SH3GL1: variants seen among roughly 807,000 people sequenced by gnomAD.
SH3GL1 encodes the protein SH3 domain containing GRB2 like 1, endophilin A2, also known as endophilin-A2.
SH3GL1 carries 21 observed loss-of-function variants against 48.8 expected under a neutral mutation model. The ratio of observed to expected loss-of-function variants is 0.43; its 90% confidence interval spans 0.30 to 0.62. SH3GL1 has a LOEUF of 0.62. Among genes scored for constraint, SH3GL1 ranks in the 20% least tolerant of loss-of-function variants. SH3GL1 has a pLI of 0.11. For synonymous variants in SH3GL1, 282 were observed against 217.5 expected (o/e 1.30, Z -2.61); for missense variants, 454 against 503.0 (o/e 0.90, Z 0.93).
At chr19:4,366,665 G>T in intron 2 of SH3GL1, 92 bp from the exon 3 acceptor site, 1 of 1,232,104 alleles carries the variant, frequency 8.1e-7, no homozygotes. Flanking sequence ...TGCCCTAAGA[G>T]CCCATACCAG....
chr19:4,366,782 C>CCCACACCACCCCATCTCT (rs1489592472), intron 2 of SH3GL1, 144 bp downstream of exon 2: 5 of 946,454 alleles, frequency 5.3e-6, no homozygotes, highest in African/African-American at 1.6e-5. Flanking sequence ...TGACGAGGCC[C>CCCACACCACCCCATCTCT]CCACACCACC....
intron 1 of SH3GL1, among the ~76,000 whole-genome samples, chr19:4,385,422 G>C (rs1599614875): frequency 6.6e-6 from 1 of 152,224 alleles, no homozygotes; most frequent in East Asian, 1.9e-4. Flanking sequence ...AATGCAGTAA[G>C]AGGCAACCTC....
At chr19:4,399,665 C>A (rs987080515) in intron 1 of SH3GL1, among the ~76,000 whole-genome samples, 1 of 152,154 alleles carries the variant, frequency 6.6e-6, no homozygotes, top group Non-Finnish European at 1.5e-5. Flanking sequence ...GTCAACAGTG[C>A]CGACGGAGGG....
At chr19:4,363,562 G>C in intron 6 of SH3GL1, 89 bp from the exon 7 acceptor site, 1 of 1,447,870 alleles carries the variant, frequency 6.9e-7, no homozygotes, top group Non-Finnish European at 9.6e-7. Flanking sequence ...AGGAGGCAAG[G>C]GGGCTGAGAG....
chr19:4,379,792 C>T (rs1050102516), intron 1 of SH3GL1, among the ~76,000 whole-genome samples: 4 of 152,178 alleles, frequency 2.6e-5, no homozygotes, highest in South Asian at 2.1e-4. Flanking sequence ...GCTGCTGCGA[C>T]GTCAACACAA....
intron 1 of SH3GL1, among the ~76,000 whole-genome samples, chr19:4,393,482 A>G (rs573936074): frequency 6.6e-6 from 1 of 152,150 alleles, no homozygotes; most frequent in African/African-American, 2.4e-5. Flanking sequence ...CTCAGTCTCT[A>G]CAAAAAAATT....
chr19:4,372,879 G>A (rs536641825), intron 1 of SH3GL1, among the ~76,000 whole-genome samples: 22 of 152,242 alleles, frequency 1.4e-4, no homozygotes, highest in African/African-American at 4.8e-4. Flanking sequence ...TGGCCCCAGT[G>A]GCATGGGGAC....
At chr19:4,364,050 G>C in intron 5 of SH3GL1, 38 bp downstream of exon 5, 1 of 1,611,140 alleles carries the variant, frequency 6.2e-7, no homozygotes, top group East Asian at 2.2e-5. Flanking sequence ...ATCCGGCAGG[G>C]GGAAGGGACA....
chr19:4,364,950 T>C (rs1055473577), intron 4 of SH3GL1, among the ~76,000 whole-genome samples: 1 of 148,856 alleles, frequency 6.7e-6, no homozygotes, highest in African/African-American at 2.5e-5. Context: ...GGGTGGGGTT[T>C]CTCCATATTG....
At chr19:4,383,075 C>T (rs8104459) in intron 1 of SH3GL1, among the ~76,000 whole-genome samples, 62,177 of 151,934 alleles carry the variant, frequency 0.41, 13,014 homozygotes, top group Non-Finnish European at 0.44. Flanking sequence ...CACACCACCA[C>T]GCCTGGCTAA....
intron 1 of SH3GL1, among the ~76,000 whole-genome samples, chr19:4,372,718 T>C (rs989380632): frequency 6.6e-6 from 1 of 152,170 alleles, no homozygotes; most frequent in Non-Finnish European, 1.5e-5. Flanking sequence ...TTCTTTCCCA[T>C]GAGTCAAAAA....
chr19:4,400,258 G>A lies in SH3GL1; in HGVS notation c.45+66C>T, dbSNP rs1973498729. The A allele has an allele frequency of 6.5e-7, 1 of 1,544,596 alleles. No individual in the cohort carries two copies. The highest frequency in any genetic ancestry group is 1.8e-5 in the Admixed American group (1 of 56,804). On this transcript the variant is annotated intron_variant, in intron 1 of 9. Transcript: ENST00000269886. This position sits in a 1 kb window ranked among gnomAD's most constrained non-coding sequence, Gnocchi z 4.1. ...CCCGGCCCCCTCCCGGGCCAGGTCG[G>A]GCCTGGCTCCCTCATCCGGGCAGCC... is the stretch of plus-strand genomic sequence containing the variant.
intron 4 of SH3GL1, 122 bp from the exon 5 acceptor site, chr19:4,364,343 C>A: frequency 1.6e-6 from 2 of 1,284,814 alleles, no homozygotes; most frequent in South Asian, 1.3e-5. Context: ...GCTGTACCAG[C>A]TCACTGCAGG....
chr19:4,400,210 G>T lies in SH3GL1; in HGVS notation c.45+114C>A. On this transcript the variant is annotated intron_variant, in intron 1 of 9. Transcript: ENST00000269886. This position sits in a 1 kb window ranked among gnomAD's most constrained non-coding sequence, Gnocchi z 4.1. ...TCTTCCCACCTGGCAGGGGACACGC[G>T]CCAACGTCCCCACCTCGGTCCCCCC... 1.7e-6 allele frequency: 2 copies of T among 1,175,020 alleles called. No individual in the cohort carries two copies. The highest frequency in any genetic ancestry group is 2.4e-6 in the Non-Finnish European group (2 of 850,882). 72.8% of individuals were successfully genotyped at this position (1,175,020 alleles called of 1,614,324 possible). A position where few individuals can be genotyped will look rare whatever the true frequency, so the allele number is the denominator to read the frequency against.
rs117209613 is a variant in SH3GL1, at chr19:4,364,940, G to T, written c.331+542C>A. Among the ~76,000 whole-genome samples the T allele has an allele frequency of 3.5e-4, 50 of 140,956 alleles. No homozygotes were observed. In the East Asian group the frequency reaches 8.9e-3, roughly 25 times the overall value. 92.5% of individuals were successfully genotyped at this position (140,956 alleles called of 152,430 possible). A position where few individuals can be genotyped will look rare whatever the true frequency, so the allele number is the denominator to read the frequency against. The stretch of plus-strand genomic sequence containing the variant: ...TATTTTTTTTTTTTTAGTAGAAGCG[G>T]GGTGGGGTTTCTCCATATTGGTCTT... On this transcript the variant is annotated intron_variant, in intron 4 of 9. Transcript: ENST00000269886.
intron 1 of SH3GL1, among the ~76,000 whole-genome samples, chr19:4,377,321 A>G (rs573913054): frequency 9.8e-5 from 15 of 152,348 alleles, no homozygotes; most frequent in South Asian, 2.1e-4. Context: ...CCTGGCTGCC[A>G]GCAGGGAGGA....
intron 1 of SH3GL1, among the ~76,000 whole-genome samples, chr19:4,374,288 A>G (rs1016018070): frequency 6.6e-6 from 1 of 152,204 alleles, no homozygotes; most frequent in African/African-American, 2.4e-5. Flanking sequence ...GGTGGCCACA[A>G]CAGAGTGGCA....
intron 1 of SH3GL1, among the ~76,000 whole-genome samples, chr19:4,388,917 T>A (rs1294877386): frequency 6.6e-6 from 1 of 152,054 alleles, no homozygotes; most frequent in Admixed American, 6.5e-5. Context: ...CAGGAGACAC[T>A]CTCTGAGCTG....
chr19:4,366,910 G>A lies in SH3GL1; in HGVS notation c.114+16C>T, dbSNP rs755647028. 4.0e-5 allele frequency: 65 copies of A among 1,611,908 alleles called. No individual in the cohort carries two copies. Among genetic ancestry groups the A allele is most frequent in the East Asian group, 6.7e-5 (3 of 44,862 alleles). On this transcript the variant is annotated intron_variant, in intron 2 of 9. Coordinates refer to ENST00000269886, the MANE Select transcript of SH3GL1 (RefSeq NM_003025.4). ...GCAGTGCCACCACCACACAGAGCAC[G>A]CAGTTTCTTCCTCACCTTCTCCATC...
Sources: allele counts gnomAD v4.1 joint callset (sites outside exome capture counted in the v4.1 genomes callset), GRCh38; gene constraint gnomAD v4.1.1; non-coding constraint Gnocchi (gnomAD v3.1); transcripts MANE v1.5; gene names NCBI Gene and HGNC (gene_info 2026-07-23, HGNC 2026-07-21).